Variants in OPCML observed in about 807,000 individuals in gnomAD.
OPCML encodes the protein opioid binding protein/cell adhesion molecule like.
Under a neutral mutation model 37.8 loss-of-function variants are expected in OPCML, and 13 were observed. That is an observed-to-expected ratio of 0.34 (90% CI 0.22 to 0.55). OPCML has a LOEUF of 0.55. Among genes scored for constraint, OPCML ranks in the 20% least tolerant of loss-of-function variants. OPCML has a pLI of 0.91. For synonymous variants in OPCML, 176 were observed against 168.8 expected (o/e 1.04, Z -0.33); for missense variants, 341 against 435.6 (o/e 0.78, Z 1.93).
At position 133,177,918 on chromosome 11, in the gene OPCML, GGCCTCT is replaced by G. The variant is rs1937634317; in HGVS notation, c.62-234914_62-234909del. Among the ~76,000 whole-genome samples, 1 of 152,216 alleles carries G rather than the reference GGCCTCT, an allele frequency of 6.6e-6. No homozygotes were observed. The highest frequency in any genetic ancestry group is 1.9e-4 in the East Asian group (1 of 5,198). On this transcript the variant is annotated intron_variant, in intron 1 of 7. Coordinates refer to ENST00000524381, the MANE Select transcript of OPCML (RefSeq NM_001012393.5). The surrounding 1 kb of genome is among the most constrained non-coding windows in gnomAD (Gnocchi z 5.0). ...GTGGGCCATCTGGCCTCTTTCAAGA[GGCCTCT>G]GTTCTTTTGAACCACACTGAATAAA...
intron 3 of OPCML, among the ~76,000 whole-genome samples, chr11:132,577,982 A>G (rs996010116): frequency 1.3e-5 from 2 of 152,202 alleles, no homozygotes; most frequent in Non-Finnish European, 2.9e-5. Flanking sequence ...TTAGAGCCCA[A>G]CAGGTTACTA....
intron 1 of OPCML, among the ~76,000 whole-genome samples, chr11:133,113,443 A>T (rs1949287876): frequency 1.3e-5 from 2 of 152,240 alleles, no homozygotes; most frequent in Non-Finnish European, 2.9e-5. Context: ...GAAAAAAATA[A>T]CAGAACTACA....
chr11:133,093,201 T>C (rs1198846644), intron 1 of OPCML, among the ~76,000 whole-genome samples: 3 of 152,098 alleles, frequency 2.0e-5, no homozygotes, highest in Admixed American at 1.3e-4. Context: ...ACCCAATGTG[T>C]AGTCTTTTCT....
intron 1 of OPCML, among the ~76,000 whole-genome samples, chr11:133,447,427 A>G (rs1397357080): frequency 6.6e-6 from 1 of 152,124 alleles, no homozygotes; most frequent in Non-Finnish European, 1.5e-5. Flanking sequence ...TGCCTGGTAT[A>G]TTGTGTGATG....
chr11:132,607,956 C>G (rs1186626916), intron 3 of OPCML, among the ~76,000 whole-genome samples: 1 of 152,054 alleles, frequency 6.6e-6, no homozygotes, highest in South Asian at 2.1e-4. Flanking sequence ...AGTAGGGTGA[C>G]TGTAGTATAC....
intron 2 of OPCML, among the ~76,000 whole-genome samples, chr11:132,864,962 A>T (rs1239301945): frequency 6.6e-6 from 1 of 152,174 alleles, no homozygotes; most frequent in Non-Finnish European, 1.5e-5. Flanking sequence ...CTGGTGGGAG[A>T]GCGGACAGCG....
intron 3 of OPCML, among the ~76,000 whole-genome samples, chr11:132,569,963 C>A (rs1470421609): frequency 2.8e-5 from 4 of 144,308 alleles, no homozygotes; most frequent in Non-Finnish European, 6.2e-5. Context: ...AAAAAAAAAA[C>A]CGAAAAGCTA....
chr11:132,862,209 C>T (rs1942335074), intron 2 of OPCML, among the ~76,000 whole-genome samples: 1 of 152,120 alleles, frequency 6.6e-6, no homozygotes, highest in Non-Finnish European at 1.5e-5. Context: ...TTAATTATTA[C>T]TTTTAATAAT....
intron 4 of OPCML, among the ~76,000 whole-genome samples, chr11:132,494,827 G>A (rs899289477): frequency 6.6e-6 from 1 of 152,186 alleles, no homozygotes; most frequent in Non-Finnish European, 1.5e-5. Context: ...GGTGTCCCAT[G>A]GGAATGGAAC....
chr11:132,960,162 T>A (rs1219345324), intron 1 of OPCML, among the ~76,000 whole-genome samples: 4 of 152,176 alleles, frequency 2.6e-5, no homozygotes, highest in Admixed American at 1.3e-4. Context: ...ACGCAGCATA[T>A]CCAGTTCTAA....
intron 1 of OPCML, among the ~76,000 whole-genome samples, chr11:133,228,619 C>A (rs1940142773): frequency 6.6e-6 from 1 of 152,234 alleles, no homozygotes; most frequent in African/African-American, 2.4e-5. Context: ...TAGAGCTCTG[C>A]TTCTTGCCAC....
At chr11:132,554,098 G>A (rs1406097806) in intron 3 of OPCML, among the ~76,000 whole-genome samples, 3 of 152,200 alleles carry the variant, frequency 2.0e-5, no homozygotes, top group Non-Finnish European at 4.4e-5. Flanking sequence ...GAGCAAAGGA[G>A]AACACGCTGG....
At chr11:133,449,287 A>G (rs1001562400) in intron 1 of OPCML, among the ~76,000 whole-genome samples, 1 of 152,244 alleles carries the variant, frequency 6.6e-6, no homozygotes, top group Non-Finnish European at 1.5e-5. Flanking sequence ...TTTGCTGGAC[A>G]TAAAGTCTCT....
In OPCML at chr11:132,693,138, G is replaced by A. The variant is rs979524873; in HGVS notation, c.147-35819C>T. Reference sequence around the variant, plus strand: ...TCTACTAATTATCTTCAAAACAGCTGGACTACTGGATAAACTCTATCTTAA... The same window carrying A: ...TCTACTAATTATCTTCAAAACAGCTAGACTACTGGATAAACTCTATCTTAA... On this transcript the variant is annotated intron_variant, in intron 2 of 7. Transcript: ENST00000524381. Among the ~76,000 whole-genome samples the A allele has an allele frequency of 9.3e-4, 142 of 152,152 alleles. 1 individual carries two copies. The highest frequency in any genetic ancestry group is 2.6e-4 in the Non-Finnish European group (18 of 68,008).
Position 133,303,952 on chromosome 11 carries a change from G to A in OPCML, c.61+228312C>T, listed in dbSNP as rs181272145. Among the ~76,000 whole-genome samples the A allele has an allele frequency of 4.6e-4, 70 of 152,298 alleles. 1 individual carries two copies. In the South Asian group the frequency reaches 0.014, roughly 31 times the overall value. On this transcript the variant is annotated intron_variant, in intron 1 of 7. Coordinates refer to ENST00000524381, the MANE Select transcript of OPCML (RefSeq NM_001012393.5). ...ATACTGCTATCATTCTATGTTTTTG[G>A]TTGTAGATTTAAACTTTAATAACTA...
intron 1 of OPCML, among the ~76,000 whole-genome samples, chr11:133,454,443 C>T (rs567216119): frequency 4.6e-5 from 7 of 152,210 alleles, no homozygotes; most frequent in African/African-American, 1.4e-4. Flanking sequence ...TTTTTCCCCC[C>T]GTCCGAAGTG....
At position 132,512,394 on chromosome 11, in the gene OPCML, G is replaced by C. The variant is rs183120192; in HGVS notation, c.505+16667C>G. 8.6e-5 allele frequency among the ~76,000 whole-genome samples: 13 copies of C among 152,024 alleles called. No individual in the cohort carries two copies. The East Asian group carries it at 2.5e-3, about 29-fold the overall frequency. On this transcript the variant is annotated intron_variant, in intron 4 of 7. Transcript: ENST00000524381. ...ATTGTAAATATATGTCCAGAAAAAGGCCTGTACATACGTGTTTATAGCAGC... is the reference window on the plus strand; with the variant it reads ...ATTGTAAATATATGTCCAGAAAAAGCCCTGTACATACGTGTTTATAGCAGC...
chr11:132,700,676 T>A (rs1383812808), intron 2 of OPCML, among the ~76,000 whole-genome samples: 1 of 152,184 alleles, frequency 6.6e-6, no homozygotes, highest in Non-Finnish European at 1.5e-5. Flanking sequence ...TTCTTAAATT[T>A]GTTAAGACTT....
chr11:133,472,977 GACA>G (rs537992919), intron 1 of OPCML, among the ~76,000 whole-genome samples: 188 of 151,770 alleles, frequency 1.2e-3, no homozygotes, highest in African/African-American at 4.4e-3. Flanking sequence ...TAACCCAAAG[GACA>G]ACATTTTACC....
Sources: gnomAD v4.1 joint callset for allele counts (sites outside exome capture counted in the v4.1 genomes callset) on GRCh38, gnomAD v4.1.1 for gene constraint, Gnocchi (gnomAD v3.1) non-coding constraint, MANE v1.5 for transcripts, NCBI Gene and HGNC (gene_info 2026-07-23, HGNC 2026-07-21) for gene names.